Variants in MAP4K5 observed in about 807,000 individuals in gnomAD.
MAP4K5 encodes the protein MAPK/ERK kinase kinase kinase 5.
In MAP4K5, 82 loss-of-function variants were observed where a neutral mutation model predicts 135.6. That is an observed-to-expected ratio of 0.60 (90% confidence interval 0.51 to 0.73). The LOEUF is 0.73. Ranked by LOEUF, MAP4K5 falls within the 30% of genes least tolerant of loss-of-function variation. The probability of loss-of-function intolerance (pLI) is 0.00; values close to 1 mark genes in which losing one functional copy is unlikely to be tolerated. For synonymous variants in MAP4K5, 347 were observed against 335.0 expected, an observed-to-expected ratio of 1.04 and a Z score of -0.39; for missense variants, 907 against 1,010.9, an observed-to-expected ratio of 0.90 and a Z score of 1.39.
chr14:50,510,525 A>C (rs2140044146), intron 2 of MAP4K5, among the ~76,000 whole-genome samples: 1 of 152,346 alleles, frequency 6.6e-6, no homozygotes, highest in Middle Eastern at 3.4e-3. Context: ...TTGAATAGAC[A>C]ATCATGGTTG....
At position 50,428,741 on chromosome 14, in the gene MAP4K5, A is replaced by G. The variant is rs1310114076; in HGVS notation, c.2247T>C (p.Ile749=). The G allele has an allele frequency of 6.9e-7, 1 of 1,458,870 alleles. No homozygotes were observed. The allele number at this position is 1,458,870 out of a possible 1,614,324, so 90.4% of individuals were successfully genotyped here. The part of the protein sequence containing the change: ...VLVCLDKFVK[I]VNLQGKLKSS... ...ATTTTAATTTTCCTTGTAGATTTAC[A>G]ATTTTCACAAATTCTTAAAAAAAAA... Residue 749 remains isoleucine (I), a synonymous_variant, in exon 30 of 33, where the codon ATT becomes ATC. Transcript: ENST00000682126.
intron 2 of MAP4K5, among the ~76,000 whole-genome samples, chr14:50,538,136 G>A (rs187934510): frequency 1.4e-3 from 208 of 152,266 alleles, no homozygotes; most frequent in Middle Eastern, 3.4e-3. Flanking sequence ...AATCTTTCCT[G>A]TCATGTTCTC....
At chr14:50,502,270 T>C (rs2037722239) in intron 3 of MAP4K5, among the ~76,000 whole-genome samples, 1 of 152,130 alleles carries the variant, frequency 6.6e-6, no homozygotes, top group African/African-American at 2.4e-5. Flanking sequence ...TATCCTACAA[T>C]GTGAAAGTCT....
At chr14:50,539,243 T>A (rs2038531883) in intron 2 of MAP4K5, among the ~76,000 whole-genome samples, 1 of 152,214 alleles carries the variant, frequency 6.6e-6, no homozygotes, top group Admixed American at 6.5e-5. Context: ...AAATGGAGTG[T>A]CAGTGTAGGG....
chr14:50,494,572 A>G (rs955596139), intron 3 of MAP4K5, among the ~76,000 whole-genome samples: 2 of 152,200 alleles, frequency 1.3e-5, no homozygotes, highest in Non-Finnish European at 2.9e-5. Flanking sequence ...ATAAAAAAGA[A>G]TCATTCTAAA....
intron 3 of MAP4K5, among the ~76,000 whole-genome samples, chr14:50,491,002 G>A (rs984927655): frequency 5.3e-5 from 8 of 152,130 alleles, no homozygotes; most frequent in East Asian, 1.9e-4. Context: ...GGAGTAAGTC[G>A]GTTGCACCCC....
At chr14:50,524,657 C>T (rs963347346) in intron 2 of MAP4K5, among the ~76,000 whole-genome samples, 2 of 151,028 alleles carry the variant, frequency 1.3e-5, no homozygotes, top group Non-Finnish European at 2.9e-5. Flanking sequence ...AAAGAGTAGG[C>T]GATAAGATGG....
At chr14:50,515,446 GACC>G (rs1307055475) in intron 2 of MAP4K5, among the ~76,000 whole-genome samples, 1 of 151,932 alleles carries the variant, frequency 6.6e-6, no homozygotes, top group Non-Finnish European at 1.5e-5. Context: ...ATTTCTCCAT[GACC>G]ACCAATTATT....
At chr14:50,455,163 A>T (rs946627392) in intron 14 of MAP4K5, among the ~76,000 whole-genome samples, 3 of 151,980 alleles carry the variant, frequency 2.0e-5, no homozygotes, top group Non-Finnish European at 4.4e-5. Context: ...ATCTAGAAAG[A>T]AACTCAAGTT....
chr14:50,456,736 T>G, intron 13 of MAP4K5, 142 bp from the exon 14 acceptor site: 1 of 599,228 alleles, frequency 1.7e-6, no homozygotes, highest in Non-Finnish European at 2.9e-6. Context: ...CAATGAACGC[T>G]ACAATACTTC....
chr14:50,505,668 A>G (rs898071405), intron 2 of MAP4K5, among the ~76,000 whole-genome samples: 2 of 152,196 alleles, frequency 1.3e-5, no homozygotes, highest in Non-Finnish European at 2.9e-5. Flanking sequence ...GTGGACTTAT[A>G]ATGGGTATGT....
In MAP4K5 at chr14:50,486,182, G is replaced by A; in HGVS notation, c.179C>T (p.Ser60Phe). ...IIKLEPGDDF[S>F]LIQQEIFMVK... ...CATAAATATTTCTTGTTGAATCAAA[G>A]AAAAATCATCTCCTGGAAAACAAAA... Residue 60 changes from serine to phenylalanine, a missense_variant, in exon 4 of 33, where the codon TCT (serine) becomes TTT (phenylalanine). Around this residue, in one of 3 missense-constraint regions of MAP4K5, gnomAD observed 196 missense variants for 189.3 expected, o/e 1.04. Transcript: ENST00000682126. The A allele has an allele frequency of 8.1e-7, 1 of 1,238,650 alleles. No homozygotes were observed. The highest frequency in any genetic ancestry group is 1.1e-6 in the Non-Finnish European group (1 of 883,732). The allele number at this position is 1,238,650 out of a possible 1,614,324, so 76.7% of individuals were successfully genotyped here.
chr14:50,467,927 G>T (rs549630357), intron 10 of MAP4K5, among the ~76,000 whole-genome samples: 1 of 151,884 alleles, frequency 6.6e-6, no homozygotes, highest in Non-Finnish European at 1.5e-5. Context: ...TGCCAATCAC[G>T]TTAGCAAAAC....
chr14:50,507,646 A>T (rs905945424), intron 2 of MAP4K5, among the ~76,000 whole-genome samples: 6 of 152,326 alleles, frequency 3.9e-5, no homozygotes, highest in Non-Finnish European at 7.3e-5. Flanking sequence ...GTTTCCATGC[A>T]GTTGAGCAGT....
At chr14:50,560,627 G>C (rs533857716) in intron 1 of MAP4K5, 1 of 387,916 alleles carries the variant, frequency 2.6e-6, no homozygotes, top group African/African-American at 2.1e-5. Flanking sequence ...CCGCCTTAGC[G>C]ATCGGTTGGG....
At chr14:50,522,091 C>A (rs2038164109) in intron 2 of MAP4K5, among the ~76,000 whole-genome samples, 1 of 151,954 alleles carries the variant, frequency 6.6e-6, no homozygotes, top group Admixed American at 6.6e-5. Context: ...GAAAGCAAAA[C>A]TAAAAAAAGA....
intron 6 of MAP4K5, among the ~76,000 whole-genome samples, chr14:50,476,634 T>C (rs1218507249): frequency 2.0e-5 from 3 of 152,172 alleles, no homozygotes; most frequent in Non-Finnish European, 2.9e-5. Context: ...CTAATTTTTG[T>C]ATTTTTTAGT....
chr14:50,503,464 CT>C (rs2037748139), intron 3 of MAP4K5, among the ~76,000 whole-genome samples: 1 of 151,934 alleles, frequency 6.6e-6, no homozygotes, highest in African/African-American at 2.4e-5. Context: ...GCATTTAATC[CT>C]TATATTTTAA....
In MAP4K5 at chr14:50,429,154, A is replaced by G. The variant is rs557407297; in HGVS notation, c.2233+38T>C. The stretch of plus-strand genomic sequence containing the variant: ...ACAGAATAAAAAAATTGCTTTATCA[A>G]GTAGTATACTCAAAATAAAATTAAA... On this transcript the variant is annotated intron_variant, in intron 29 of 32. Coordinates refer to ENST00000682126, the MANE Select transcript of MAP4K5 (RefSeq NM_006575.6). The G allele has an allele frequency of 2.7e-5, 31 of 1,156,438 alleles. No individual in the cohort carries two copies. The African/African-American group carries it at 4.1e-4, about 15-fold the overall frequency. 71.6% of individuals were successfully genotyped at this position (1,156,438 alleles called of 1,614,324 possible).
Sources: gnomAD v4.1 joint callset for allele counts (sites outside exome capture counted in the v4.1 genomes callset) on GRCh38, gnomAD v4.1.1 for gene constraint, gnomAD v4.1.1 regional missense constraint, MANE v1.5 for transcripts, NCBI Gene and HGNC (gene_info 2026-07-23, HGNC 2026-07-21) for gene names.